Variants in DNER observed in about 807,000 individuals in gnomAD.
DNER encodes delta and Notch-like epidermal growth factor-related receptor.
In DNER, 33 loss-of-function variants were observed where a neutral mutation model predicts 78.2. The observed-to-expected ratio is 0.42, with a 90% CI of 0.32 to 0.56. DNER has a LOEUF of 0.56. DNER is among the 20% of genes least tolerant of loss of function. The pLI, the probability that DNER is intolerant of heterozygous loss-of-function variation, is 0.11. For missense variants in DNER, 918 were observed against 975.3 expected, an observed-to-expected ratio of 0.94 and a Z score of 0.78; for synonymous variants, 417 against 384.8, an observed-to-expected ratio of 1.08 and a Z score of -0.98.
rs200279456 is a variant in DNER at position 229,456,920 on chromosome 2, G to GA, written c.1262-9381dup. Reference sequence around the variant, plus strand: ...AGAAAACATTAAAAGAAGCCAAAAAGAAAAAAAAAGACATGATACACACAT... The same window carrying GA: ...AGAAAACATTAAAAGAAGCCAAAAAGAAAAAAAAAAGACATGATACACACAT... On this transcript the variant is annotated intron_variant, in intron 7 of 12. Coordinates refer to ENST00000341772, the MANE Select transcript of DNER (RefSeq NM_139072.4). Among the ~76,000 whole-genome samples, 317 of 149,484 alleles carry GA rather than the reference G, an allele frequency of 2.1e-3. 7 individuals carry two copies. Among genetic ancestry groups the GA allele is most frequent in the African/African-American group, 7.3e-3 (298 of 40,646 alleles).
At chr2:229,483,355 G>A (rs79603144) in intron 6 of DNER, among the ~76,000 whole-genome samples, 4,054 of 152,314 alleles carry the variant, frequency 0.027, 94 homozygotes, top group Middle Eastern at 0.054. Flanking sequence ...ATATGAGGAC[G>A]TAGATCAAGC....
intron 11 of DNER, among the ~76,000 whole-genome samples, chr2:229,387,043 A>G (rs2106334941): frequency 6.6e-6 from 1 of 152,320 alleles, no homozygotes; most frequent in Middle Eastern, 3.4e-3. Flanking sequence ...TTATTGCAGC[A>G]TTGTTCACAA....
chr2:229,482,280 C>T (rs371316421), intron 6 of DNER, among the ~76,000 whole-genome samples: 14 of 152,222 alleles, frequency 9.2e-5, no homozygotes, highest in East Asian at 3.8e-4. Context: ...CAGCAATGGT[C>T]GCCCAGCCCC....
chr2:229,705,034 G>C (rs934980762), intron 1 of DNER, among the ~76,000 whole-genome samples: 3 of 152,168 alleles, frequency 2.0e-5, no homozygotes, highest in Non-Finnish European at 4.4e-5. Flanking sequence ...ACATAGTGCA[G>C]AAATCTGACT....
At chr2:229,684,424 C>T (rs1699450517) in intron 1 of DNER, among the ~76,000 whole-genome samples, 1 of 151,928 alleles carries the variant, frequency 6.6e-6, no homozygotes, top group Non-Finnish European at 1.5e-5. Context: ...ATTTGTTTTT[C>T]CTTCTCTTCT....
intron 10 of DNER, among the ~76,000 whole-genome samples, chr2:229,391,189 A>AT (rs1374275419): frequency 1.3e-5 from 2 of 152,216 alleles, no homozygotes; most frequent in African/African-American, 4.8e-5. Flanking sequence ...GTTTGGCTTC[A>AT]TTTACGTTTC....
chr2:229,448,605 G>A (rs1262507215), intron 7 of DNER, among the ~76,000 whole-genome samples: 1 of 152,072 alleles, frequency 6.6e-6, no homozygotes, highest in Non-Finnish European at 1.5e-5. Flanking sequence ...CTGTGTAGGT[G>A]ATTTTTATCT....
intron 11 of DNER, among the ~76,000 whole-genome samples, chr2:229,387,891 G>GTGTGTT (rs1240360263): frequency 1.8e-3 from 102 of 57,050 alleles, no homozygotes; most frequent in African/African-American, 4.2e-3. Flanking sequence ...GTGTGTGTGT[G>GTGTGTT]TTTTTTAATT....
At chr2:229,586,094 T>C in intron 3 of DNER, 70 bp from the exon 4 acceptor site, 6 of 1,503,494 alleles carry the variant, frequency 4.0e-6, no homozygotes, top group Non-Finnish European at 5.3e-6. Flanking sequence ...GTTCTTCAAA[T>C]TAAAAATAAA....
At position 229,591,851 on chromosome 2, in the gene DNER, TG is replaced by T; in HGVS notation, c.313del (p.His105MetfsTer69). On this transcript the variant is annotated frameshift_variant, in exon 2 of 13. Transcript: ENST00000341772. LOFTEE classifies it high-confidence loss of function. This position sits in a 1 kb window ranked among gnomAD's most constrained non-coding sequence, Gnocchi z 4.6. Reference protein sequence around the residue: ...ADPCASNPCHHGNCSSSSSSS... With the variant: ...ADPCASNPCHXGNCSSSSSSS... ...GCTGCTGCTGCTGCTGCAGTTGCCA[TG>T]GTGACAAGGGTTGCTGGCACAAGGA... The T allele has an allele frequency of 6.2e-7, 1 of 1,608,896 alleles. No homozygotes were observed. The highest frequency in any genetic ancestry group is 8.5e-7 in the Non-Finnish European group (1 of 1,177,312).
intron 1 of DNER, among the ~76,000 whole-genome samples, chr2:229,678,157 G>A (rs1257033263): frequency 6.6e-6 from 1 of 152,194 alleles, no homozygotes; most frequent in Non-Finnish European, 1.5e-5. Context: ...CAAGCAAGTT[G>A]AAGCACGTGT....
In DNER at chr2:229,633,835, C is replaced by T. The variant is rs187660013; in HGVS notation, c.277-41947G>A. On this transcript the variant is annotated intron_variant, in intron 1 of 12. Coordinates refer to ENST00000341772, the MANE Select transcript of DNER (RefSeq NM_139072.4). ...CTCCAGCCAGAAGTACATAGAGCAG[C>T]GTCTCTGGGCAAGGCGTCCTCCCTC... 2.1e-3 allele frequency among the ~76,000 whole-genome samples: 327 copies of T among 152,320 alleles called. 1 individual carries two copies. The highest frequency in any genetic ancestry group is 6.8e-3 in the African/African-American group (284 of 41,574).
intron 1 of DNER, among the ~76,000 whole-genome samples, chr2:229,710,976 TACACGCGC>T (rs1386622650): frequency 1.1e-4 from 10 of 90,296 alleles, no homozygotes; most frequent in African/African-American, 5.2e-4. Context: ...ATGGCATGCA[TACACGCGC>T]ACACACACAC....
chr2:229,429,491 T>A (rs528079594), intron 8 of DNER, among the ~76,000 whole-genome samples: 1 of 152,272 alleles, frequency 6.6e-6, no homozygotes, highest in South Asian at 2.1e-4. Context: ...TTAAGCACAA[T>A]GCCTGGCGTA....
At chr2:229,434,211 A>G (rs1694074252) in intron 8 of DNER, among the ~76,000 whole-genome samples, 1 of 152,220 alleles carries the variant, frequency 6.6e-6, no homozygotes, top group Non-Finnish European at 1.5e-5. Context: ...TCATTCCCCT[A>G]TCACTGGGGA....
rs542777587 is a variant in DNER at position 229,638,367 on chromosome 2, A to G, written c.277-46479T>C. Among the ~76,000 whole-genome samples the G allele has an allele frequency of 4.0e-4, 61 of 152,370 alleles. No individual in the cohort carries two copies. In the Middle Eastern group the frequency reaches 0.01, roughly 25 times the overall value. ...ATCAAAGCAGTATAGTATTCACCTA[A>G]AGGCAGACAAAATAGATCAGTAGGG... On this transcript the variant is annotated intron_variant, in intron 1 of 12. Coordinates refer to ENST00000341772, the MANE Select transcript of DNER (RefSeq NM_139072.4).
intron 1 of DNER, among the ~76,000 whole-genome samples, chr2:229,624,791 T>A (rs1397072950): frequency 6.6e-6 from 1 of 152,132 alleles, no homozygotes; most frequent in Non-Finnish European, 1.5e-5. Flanking sequence ...AGAGCCAGAG[T>A]TGAGCTACAT....
At chr2:229,572,502 T>C (rs1319242673) in intron 4 of DNER, among the ~76,000 whole-genome samples, 2 of 152,094 alleles carry the variant, frequency 1.3e-5, no homozygotes, top group Admixed American at 6.5e-5. Flanking sequence ...AGTCAAATTC[T>C]TTGCAGTGGA....
intron 1 of DNER, among the ~76,000 whole-genome samples, chr2:229,612,601 G>A (rs1464940610): frequency 2.0e-5 from 3 of 152,192 alleles, no homozygotes; most frequent in Non-Finnish European, 4.4e-5. Context: ...CAGAAGCCTC[G>A]CTGCGGACAC....
Sources: allele counts gnomAD v4.1 joint callset (sites outside exome capture counted in the v4.1 genomes callset), GRCh38; gene constraint gnomAD v4.1.1; non-coding constraint Gnocchi (gnomAD v3.1); transcripts MANE v1.5; gene names NCBI Gene and HGNC (gene_info 2026-07-23, HGNC 2026-07-21).